The following GKAP1 variants were observed in gnomAD, a reference collection of about 807,000 sequenced individuals.
The protein encoded by GKAP1 is G kinase anchoring protein 1.
A neutral mutation model predicts 56.7 loss-of-function variants in GKAP1; 31 were observed. The observed-to-expected ratio is 0.55, with a 90% CI of 0.41 to 0.74. GKAP1 has a LOEUF of 0.74. GKAP1 is among the 30% of genes least tolerant of loss of function. The pLI is 0.00. For synonymous variants in GKAP1, 151 were observed against 138.6 expected (o/e 1.09, Z -0.63); for missense variants, 364 against 402.3 (o/e 0.90, Z 0.82).
chr9:83,796,958 C>A (rs1381124732), intron 4 of GKAP1, among the ~76,000 whole-genome samples: 1 of 152,124 alleles, frequency 6.6e-6, no homozygotes, highest in African/African-American at 2.4e-5. Flanking sequence ...TTTCCTGCAG[C>A]AAATCTTTTT....
intron 12 of GKAP1, 32 bp from the exon 13 acceptor site, chr9:83,739,776 T>G: frequency 6.4e-7 from 1 of 1,554,064 alleles, no homozygotes; most frequent in Non-Finnish European, 8.8e-7. Flanking sequence ...GGGAAAATTA[T>G]TTACAACATA....
chr9:83,779,503 A>ATG (rs1491190618), intron 7 of GKAP1, among the ~76,000 whole-genome samples: 4 of 137,254 alleles, frequency 2.9e-5, no homozygotes, highest in South Asian at 2.3e-4. Context: ...ACATATACAC[A>ATG]TATATGTGTA....
intron 8 of GKAP1, among the ~76,000 whole-genome samples, chr9:83,753,691 T>C (rs942384126): frequency 2.0e-5 from 3 of 152,106 alleles, no homozygotes; most frequent in Non-Finnish European, 4.4e-5. Context: ...AAAAAATGAC[T>C]ACAAATACAA....
At chr9:83,811,583 G>T (rs995330452) in intron 2 of GKAP1, among the ~76,000 whole-genome samples, 3 of 152,152 alleles carry the variant, frequency 2.0e-5, no homozygotes, top group Admixed American at 1.3e-4. Flanking sequence ...TTCTGGTAAA[G>T]CAGCTACCTG....
At chr9:83,816,397 G>T (rs1434881286) in intron 2 of GKAP1, among the ~76,000 whole-genome samples, 2 of 152,242 alleles carry the variant, frequency 1.3e-5, no homozygotes, top group Non-Finnish European at 2.9e-5. Context: ...ATACAAGCAG[G>T]TACTCAGTGA....
intron 4 of GKAP1, among the ~76,000 whole-genome samples, chr9:83,793,277 T>C (rs1944192587): frequency 6.6e-6 from 1 of 152,238 alleles, no homozygotes; most frequent in African/African-American, 2.4e-5. Context: ...GAGATCACCA[T>C]TCTGAAGACA....
chr9:83,815,630 A>C (rs1944572577), intron 2 of GKAP1, among the ~76,000 whole-genome samples: 1 of 152,040 alleles, frequency 6.6e-6, no homozygotes, highest in Non-Finnish European at 1.5e-5. Flanking sequence ...AATCAAGAAC[A>C]ACCAAATATA....
intron 10 of GKAP1, among the ~76,000 whole-genome samples, chr9:83,746,942 T>C (rs1308750683): frequency 2.6e-5 from 4 of 152,200 alleles, no homozygotes; most frequent in Non-Finnish European, 5.9e-5. Flanking sequence ...AAAACCATTT[T>C]TGGTATTTTG....
At chr9:83,797,218 A>G (rs1469427947) in intron 4 of GKAP1, among the ~76,000 whole-genome samples, 1 of 152,186 alleles carries the variant, frequency 6.6e-6, no homozygotes, top group African/African-American at 2.4e-5. Context: ...TGTTCTTACC[A>G]TAATTTCTCT....
In GKAP1 at chr9:83,742,520, A is replaced by G. The variant is rs745947693; in HGVS notation, c.975+10T>C. 8 of 1,591,238 alleles carry G rather than the reference A, an allele frequency of 5.0e-6. No individual in the cohort carries two copies. The African/African-American group carries it at 8.1e-5, about 16-fold the overall frequency. Reference sequence around the variant, plus strand: ...AGAAAACCAGTCATGTATGCTCCACAGTTCCTTACCTGAATAGTGAGCTCA... The same window carrying G: ...AGAAAACCAGTCATGTATGCTCCACGGTTCCTTACCTGAATAGTGAGCTCA... On this transcript the variant is annotated intron_variant, in intron 11 of 12. Coordinates refer to ENST00000376371, the MANE Select transcript of GKAP1 (RefSeq NM_025211.4).
At chr9:83,755,411 A>G (rs1470955770) in intron 8 of GKAP1, among the ~76,000 whole-genome samples, 1 of 152,212 alleles carries the variant, frequency 6.6e-6, no homozygotes, top group African/African-American at 2.4e-5. Flanking sequence ...ACTGTCGTGA[A>G]CATGGGTTTA....
At chr9:83,770,773 T>C (rs1277395736) in intron 7 of GKAP1, among the ~76,000 whole-genome samples, 1 of 152,050 alleles carries the variant, frequency 6.6e-6, no homozygotes, top group African/African-American at 2.4e-5. Context: ...TTGGCCAGGC[T>C]CGTCTCGAAC....
intron 10 of GKAP1, among the ~76,000 whole-genome samples, chr9:83,746,343 C>T (rs1036259231): frequency 2.0e-5 from 3 of 152,148 alleles, no homozygotes; most frequent in Non-Finnish European, 4.4e-5. Flanking sequence ...ATGCTTAAGT[C>T]CCTACTATAA....
At chr9:83,779,335 T>G (rs1943913704) in intron 7 of GKAP1, among the ~76,000 whole-genome samples, 1 of 150,848 alleles carries the variant, frequency 6.6e-6, no homozygotes, top group South Asian at 2.1e-4. Context: ...AATCACAAAA[T>G]TATTTAGATG....
intron 2 of GKAP1, among the ~76,000 whole-genome samples, chr9:83,810,519 T>A (rs1370792793): frequency 1.3e-5 from 2 of 152,230 alleles, no homozygotes; most frequent in African/African-American, 4.8e-5. Flanking sequence ...TTTTTTTCCA[T>A]CTAGTTCAGT....
chr9:83,793,294 A>G (rs1944192803), intron 4 of GKAP1, among the ~76,000 whole-genome samples: 2 of 152,234 alleles, frequency 1.3e-5, no homozygotes, highest in South Asian at 4.1e-4. Context: ...GACATCTAAC[A>G]CTTGCAGCCA....
intron 3 of GKAP1, among the ~76,000 whole-genome samples, chr9:83,805,415 A>T (rs571896925): frequency 6.6e-6 from 1 of 151,864 alleles, no homozygotes; most frequent in Non-Finnish European, 1.5e-5. Context: ...CTATTGTCCT[A>T]TGACCCTGCC....
At position 83,784,712 on chromosome 9, in the gene GKAP1, T is replaced by C; in HGVS notation, c.562+3A>G. ...TAGCATAATAGCATTGTATATACAT[T>C]ACCTTCCGAATGAAAATCTTTTAGT... On this transcript the variant is annotated splice_donor_region_variant and intron_variant, in intron 6 of 12. Transcript: ENST00000376371. 6.3e-7 allele frequency: 1 copy of C among 1,579,630 alleles called. No individual in the cohort carries two copies. The highest frequency in any genetic ancestry group is 8.6e-7 in the Non-Finnish European group (1 of 1,161,046).
chr9:83,772,942 G>A (rs1221687890), intron 7 of GKAP1, among the ~76,000 whole-genome samples: 1 of 152,180 alleles, frequency 6.6e-6, no homozygotes, highest in Non-Finnish European at 1.5e-5. Context: ...GCGTTGGCAA[G>A]GATGCGTAGG....
Sources: gnomAD v4.1 joint callset for allele counts (sites outside exome capture counted in the v4.1 genomes callset) on GRCh38, gnomAD v4.1.1 for gene constraint, MANE v1.5 for transcripts, NCBI Gene and HGNC (gene_info 2026-07-23, HGNC 2026-07-21) for gene names.